SUMF1: variants seen among roughly 807,000 people sequenced by gnomAD.
The protein encoded by SUMF1 is formylglycine-generating enzyme.
A neutral mutation model predicts 47.6 loss-of-function variants in SUMF1; 48 were observed. The ratio of observed to expected loss-of-function variants is 1.01; its 90% CI spans 0.80 to 1.28. The LOEUF (loss-of-function observed/expected upper bound fraction) is 1.28. Ranked by LOEUF, SUMF1 falls within the 50% of genes most tolerant of loss-of-function variation. The probability of loss-of-function intolerance (pLI) is 0.00; values close to 1 mark genes in which losing one functional copy is unlikely to be tolerated. For synonymous variants in SUMF1, 230 were observed against 192.1 expected, an observed-to-expected ratio of 1.20 and a Z score of -1.63; for missense variants, 571 against 485.4, an observed-to-expected ratio of 1.18 and a Z score of -1.66.
chr3:4,438,338 TCTC>T (rs1316352674), intron 3 of SUMF1, among the ~76,000 whole-genome samples: 3 of 152,102 alleles, frequency 2.0e-5, no homozygotes, highest in Admixed American at 2.0e-4. Flanking sequence ...TCCTCTGAAC[TCTC>T]CTTTCAACTA....
At chr3:4,355,822 T>A (rs1011011488) in intron 8 of SUMF1, among the ~76,000 whole-genome samples, 2 of 152,318 alleles carry the variant, frequency 1.3e-5, no homozygotes, top group African/African-American at 4.8e-5. Flanking sequence ...CAACTGTGAC[T>A]AATTCCAAAG....
At chr3:4,086,215 G>GAAAA (rs140931896) in intron 8 of SUMF1, among the ~76,000 whole-genome samples, 26 of 102,326 alleles carry the variant, frequency 2.5e-4, no homozygotes, top group African/African-American at 8.2e-4. Context: ...CTTAGAATCA[G>GAAAA]AAAAAAAAAA....
intron 8 of SUMF1, among the ~76,000 whole-genome samples, chr3:4,253,943 G>A (rs558181638): frequency 6.6e-6 from 1 of 150,480 alleles, no homozygotes; most frequent in Non-Finnish European, 1.5e-5. Context: ...CTCCTCAAGT[G>A]GGTCCCTGAC....
intron 8 of SUMF1, among the ~76,000 whole-genome samples, chr3:4,129,196 T>C (rs1693728513): frequency 6.6e-6 from 1 of 152,094 alleles, no homozygotes; most frequent in Non-Finnish European, 1.5e-5. Flanking sequence ...GGAATGACAG[T>C]CACTCAACTA....
chr3:4,240,653 T>A (rs1559601705), intron 8 of SUMF1, among the ~76,000 whole-genome samples: 4 of 152,028 alleles, frequency 2.6e-5, no homozygotes, highest in Non-Finnish European at 5.9e-5. Context: ...GCAACCCAAG[T>A]ATCAAAAATT....
chr3:4,380,836 T>C (rs758732054), intron 7 of SUMF1, among the ~76,000 whole-genome samples: 3 of 152,066 alleles, frequency 2.0e-5, no homozygotes, highest in Non-Finnish European at 4.4e-5. Context: ...TCGGGAAAAG[T>C]GATGAAGAAG....
At chr3:4,073,537 T>C (rs1692338804) in intron 8 of SUMF1, among the ~76,000 whole-genome samples, 1 of 152,138 alleles carries the variant, frequency 6.6e-6, no homozygotes, top group African/African-American at 2.4e-5. Context: ...AGACACAGAC[T>C]GGCAAATTGG....
chr3:4,400,045 C>T (rs570598457), intron 7 of SUMF1, among the ~76,000 whole-genome samples: 1 of 152,238 alleles, frequency 6.6e-6, no homozygotes, highest in Admixed American at 6.5e-5. Context: ...AGCCGAGAGC[C>T]TAAATTTCTG....
In SUMF1 at chr3:4,171,092, G is replaced by C. The variant is rs79519533; in HGVS notation, c.1015-102347C>G. Among the ~76,000 whole-genome samples the C allele has an allele frequency of 3.1e-3, 473 of 152,286 alleles. 2 individuals carry two copies. Among genetic ancestry groups the C allele is most frequent in the African/African-American group, 0.011 (439 of 41,560 alleles). On this transcript the variant is annotated intron_variant and NMD_transcript_variant, in intron 8 of 12. Transcript: ENST00000448413. ...TCTCAAATTCAAATTTTGTTAAAAA[G>C]AATTATTCGATGCCCTTAAGGAGAG... is the stretch of plus-strand genomic sequence containing the variant.
chr3:4,447,778 T>C (rs1330064318), intron 3 of SUMF1, among the ~76,000 whole-genome samples: 1 of 152,202 alleles, frequency 6.6e-6, no homozygotes, highest in Non-Finnish European at 1.5e-5. Flanking sequence ...GAGAGCTGCC[T>C]GTCCTCATCC....
chr3:4,113,948 A>G (rs1437188922), intron 8 of SUMF1, among the ~76,000 whole-genome samples: 1 of 152,154 alleles, frequency 6.6e-6, no homozygotes, highest in Non-Finnish European at 1.5e-5. Context: ...AACATATCCT[A>G]TATAGAAGAG....
At chr3:4,447,488 C>A (rs1702819728) in intron 3 of SUMF1, among the ~76,000 whole-genome samples, 2 of 152,150 alleles carry the variant, frequency 1.3e-5, no homozygotes, top group Admixed American at 6.5e-5. Context: ...TGGAGGCTTG[C>A]CAATCTACCA....
At chr3:4,151,943 A>T (rs1694346378) in intron 8 of SUMF1, among the ~76,000 whole-genome samples, 1 of 151,540 alleles carries the variant, frequency 6.6e-6, no homozygotes, top group Admixed American at 6.6e-5. Flanking sequence ...TACTTGCTGG[A>T]TGGTTTCTGA....
chr3:4,398,323 G>C (rs1314067328), intron 7 of SUMF1, among the ~76,000 whole-genome samples: 2 of 152,062 alleles, frequency 1.3e-5, no homozygotes, highest in Non-Finnish European at 2.9e-5. Context: ...TGAATGGACA[G>C]AAGTATACCC....
intron 8 of SUMF1, among the ~76,000 whole-genome samples, chr3:4,373,179 T>C (rs748518065): frequency 2.2e-5 from 3 of 137,720 alleles, no homozygotes; most frequent in Non-Finnish European, 3.2e-5. Flanking sequence ...AATGGGGTGA[T>C]AAAAAGTATG....
intron 8 of SUMF1, among the ~76,000 whole-genome samples, chr3:4,290,162 C>T (rs1015750808): frequency 3.9e-5 from 6 of 152,176 alleles, no homozygotes; most frequent in African/African-American, 1.4e-4. Flanking sequence ...AAAACACATT[C>T]CCAAGTTTAG....
chr3:4,313,939 TG>T, intron 8 of SUMF1: 2 of 1,123,136 alleles, frequency 1.8e-6, no homozygotes, highest in Non-Finnish European at 2.5e-6. Flanking sequence ...CAAAAGTACA[TG>T]ACTACCCAGA....
chr3:4,168,961 T>C (rs888130610), intron 8 of SUMF1, among the ~76,000 whole-genome samples: 2 of 152,212 alleles, frequency 1.3e-5, no homozygotes, highest in Non-Finnish European at 2.9e-5. Context: ...CAGCAACGTA[T>C]TGGTTAAACC....
At chr3:4,359,780 C>T (rs1184322152), downstream of SUMF1, among the ~76,000 whole-genome samples, 1 of 152,096 alleles carries the variant, frequency 6.6e-6, no homozygotes, top group Non-Finnish European at 1.5e-5. Context: ...CACACAACAC[C>T]TGGGGATTAT....
Sources: gnomAD v4.1 joint callset for allele counts (sites outside exome capture counted in the v4.1 genomes callset) on GRCh38, gnomAD v4.1.1 for gene constraint, MANE v1.5 for transcripts, NCBI Gene and HGNC (gene_info 2026-07-23, HGNC 2026-07-21) for gene names.